The following CDH7 variants were observed in gnomAD, a reference collection of about 807,000 sequenced individuals.
The protein encoded by CDH7 is cadherin-7.
CDH7 carries 25 observed loss-of-function variants against 71.8 expected under a neutral mutation model. The ratio of observed to expected loss-of-function variants is 0.35; its 90% CI spans 0.25 to 0.49. The LOEUF is 0.49. Among genes scored for constraint, CDH7 ranks in the 20% least tolerant of loss-of-function variants. CDH7 has a pLI of 0.99. For synonymous variants in CDH7, 381 were observed against 363.8 expected, an observed-to-expected ratio of 1.05 and a Z score of -0.54; for missense variants, 862 against 974.6, an observed-to-expected ratio of 0.88 and a Z score of 1.54.
rs35258266 is a variant in CDH7, at chr18:65,767,089, C to CTTT, written c.210+4038_210+4040dup. Among the ~76,000 whole-genome samples the CTTT allele has an allele frequency of 2.9e-4, 41 of 139,950 alleles. 4 individuals are homozygous for CTTT. The highest frequency in any genetic ancestry group is 9.1e-4 in the African/African-American group (33 of 36,142). 91.8% of individuals were successfully genotyped at this position (139,950 alleles called of 152,430 possible). ...TCCCTAGCTGTTAACATCACTCTTT[C>CTTT]TTTCTTTTTTTTTTTTTTGGCTACT... is the stretch of plus-strand genomic sequence containing the variant. On this transcript the variant is annotated intron_variant, in intron 2 of 11. Transcript: ENST00000397968.
intron 6 of CDH7, among the ~76,000 whole-genome samples, chr18:65,837,144 C>CA (rs1432837181): frequency 6.6e-6 from 1 of 152,088 alleles, no homozygotes; most frequent in East Asian, 1.9e-4. Flanking sequence ...TCATGAGTCA[C>CA]AAAAATTTCA....
intron 6 of CDH7, among the ~76,000 whole-genome samples, chr18:65,828,028 C>T (rs1912195248): frequency 6.8e-6 from 1 of 147,508 alleles, no homozygotes; most frequent in Non-Finnish European, 1.5e-5. Flanking sequence ...CTACCCTCCT[C>T]CTTCTCCACG....
intron 7 of CDH7, among the ~76,000 whole-genome samples, chr18:65,844,713 G>A (rs1912874014): frequency 6.6e-6 from 1 of 151,600 alleles, no homozygotes; most frequent in Non-Finnish European, 1.5e-5. Flanking sequence ...CAAATTTATA[G>A]TATGAGATCT....
intron 7 of CDH7, among the ~76,000 whole-genome samples, chr18:65,857,191 T>C (rs1232697319): frequency 6.6e-6 from 1 of 151,544 alleles, no homozygotes; most frequent in Non-Finnish European, 1.5e-5. Flanking sequence ...ATAATAATAA[T>C]AATGAATTTA....
At chr18:65,821,394 A>G (rs1911922479) in intron 4 of CDH7, among the ~76,000 whole-genome samples, 1 of 152,088 alleles carries the variant, frequency 6.6e-6, no homozygotes, top group Non-Finnish European at 1.5e-5. Flanking sequence ...TCAAAGATCA[A>G]TTATAAAATA....
In CDH7 at chr18:65,883,600, A is replaced by G. The variant is rs568565601; in HGVS notation, c.*2706A>G. 1.1e-4 allele frequency: 17 copies of G among 152,028 alleles called. No homozygotes were observed. The South Asian group carries it at 3.5e-3, about 32-fold the overall frequency. 9.4% of individuals were successfully genotyped at this position (152,028 alleles called of 1,614,324 possible). A position where few individuals can be genotyped will look rare whatever the true frequency, so the allele number is the denominator to read the frequency against. Reference sequence around the variant, plus strand: ...AACTAATTCTTCATATCTCTTCCCAACTCCAGGTACAGTGATATCATTTTG... The same window carrying G: ...AACTAATTCTTCATATCTCTTCCCAGCTCCAGGTACAGTGATATCATTTTG... On this transcript the variant is annotated 3_prime_UTR_variant, in exon 12 of 12. Coordinates refer to ENST00000397968, the MANE Select transcript of CDH7 (RefSeq NM_004361.5).
intron 11 of CDH7, among the ~76,000 whole-genome samples, chr18:65,877,524 C>G (rs1298295693): frequency 6.6e-6 from 1 of 151,488 alleles, no homozygotes; most frequent in African/African-American, 2.4e-5. Context: ...TAACTCTTAC[C>G]CTCTTTATAC....
intron 7 of CDH7, among the ~76,000 whole-genome samples, chr18:65,847,213 C>T (rs2144000377): frequency 6.6e-6 from 1 of 152,264 alleles, no homozygotes; most frequent in East Asian, 1.9e-4. Context: ...AAGTGAATCT[C>T]CACATTGAGA....
intron 7 of CDH7, among the ~76,000 whole-genome samples, chr18:65,856,674 A>G (rs1031132096): frequency 3.9e-5 from 6 of 152,146 alleles, no homozygotes. Context: ...GTTGCTGATC[A>G]TCATGCCTAA....
At chr18:65,750,551 A>T (rs1210356643), upstream of CDH7, 1 of 152,034 alleles carries the variant, frequency 6.6e-6, no homozygotes, top group Non-Finnish European at 1.5e-5. Context: ...GCCAGGCGGG[A>T]GGTGGAGGAG....
chr18:65,814,665 A>T (rs1171657723), intron 4 of CDH7, 61 bp downstream of exon 4: 2 of 1,466,532 alleles, frequency 1.4e-6, no homozygotes, highest in Non-Finnish European at 1.9e-6. Flanking sequence ...TAGAATTAAT[A>T]TTATTTCTAA....
At chr18:65,835,379 A>G (rs1195695007) in intron 6 of CDH7, among the ~76,000 whole-genome samples, 1 of 152,214 alleles carries the variant, frequency 6.6e-6, no homozygotes, top group East Asian at 1.9e-4. Flanking sequence ...GAGACTAACT[A>G]ACCTTCAGGT....
intron 2 of CDH7, among the ~76,000 whole-genome samples, chr18:65,794,732 A>C (rs1187699507): frequency 2.6e-5 from 4 of 152,076 alleles, no homozygotes; most frequent in African/African-American, 9.7e-5. Flanking sequence ...GTGGGAGTGG[A>C]AATGGGCACA....
chr18:65,792,296 A>G (rs1036660856), intron 2 of CDH7, among the ~76,000 whole-genome samples: 6 of 149,274 alleles, frequency 4.0e-5, no homozygotes, highest in African/African-American at 1.5e-4. Context: ...TGATTTCTGT[A>G]CTCGGGAAGA....
intron 2 of CDH7, among the ~76,000 whole-genome samples, chr18:65,779,829 T>A (rs1910112349): frequency 1.4e-5 from 1 of 72,150 alleles, no homozygotes; most frequent in Admixed American, 1.3e-4. Context: ...AGTAATGGGT[T>A]GGCTGGGTCA....
intron 2 of CDH7, among the ~76,000 whole-genome samples, chr18:65,794,006 C>T (rs896535205): frequency 1.3e-5 from 2 of 151,790 alleles, no homozygotes; most frequent in Non-Finnish European, 2.9e-5. Context: ...ATTCCCAGGG[C>T]AGAAGGGGGA....
At chr18:65,861,413 T>C (rs1417360287) in intron 10 of CDH7, among the ~76,000 whole-genome samples, 1 of 151,400 alleles carries the variant, frequency 6.6e-6, no homozygotes, top group Admixed American at 6.6e-5. Flanking sequence ...CTAAAACTTT[T>C]TGTATCAAGT....
At chr18:65,811,314 A>C (rs1256753878) in intron 3 of CDH7, among the ~76,000 whole-genome samples, 1 of 152,090 alleles carries the variant, frequency 6.6e-6, no homozygotes, top group African/African-American at 2.4e-5. Flanking sequence ...AGTGAACCTA[A>C]ATTTCTGTTC....
rs1471447909 is a variant in CDH7 at position 65,862,646 on chromosome 18, A to G, written c.1613-20A>G. ...TTCCATCAGAAATCTGGTGTTATAC[A>G]TTTGCTTTCGTTATCCTAGACAACA... On this transcript the variant is annotated intron_variant, in intron 10 of 11. Coordinates refer to ENST00000397968, the MANE Select transcript of CDH7 (RefSeq NM_004361.5). The G allele has an allele frequency of 1.2e-6, 2 of 1,610,808 alleles. No homozygotes were observed. The highest frequency in any genetic ancestry group is 2.2e-5 in the South Asian group (2 of 90,858).
Sources: gnomAD v4.1 joint callset for allele counts (sites outside exome capture counted in the v4.1 genomes callset) on GRCh38, gnomAD v4.1.1 for gene constraint, MANE v1.5 for transcripts, NCBI Gene and HGNC (gene_info 2026-07-23, HGNC 2026-07-21) for gene names.